The following ALG12 variants were observed in gnomAD, a reference collection of about 807,000 sequenced individuals.
ALG12 encodes dol-P-Man:Man(7)GlcNAc(2)-PP-Dol alpha-1,6-mannosyltransferase.
A neutral mutation model predicts 46.0 loss-of-function variants in ALG12; 36 were observed. The ratio of observed to expected loss-of-function variants is 0.78; its 90% CI spans 0.60 to 1.03. The LOEUF (loss-of-function observed/expected upper bound fraction) is 1.03. ALG12 is among the 50% of genes least tolerant of loss of function. ALG12 has a pLI of 0.00. For synonymous variants in ALG12, 326 were observed against 291.6 expected (o/e 1.12, Z -1.20); for missense variants, 599 against 633.5 (o/e 0.95, Z 0.58).
intron 1 of ALG12, among the ~76,000 whole-genome samples, chr22:49,918,003 CGGG>C (rs2060626890): frequency 2.0e-5 from 3 of 150,246 alleles, no homozygotes; most frequent in South Asian, 2.1e-4. Flanking sequence ...GGTGAGAGGT[CGGG>C]CCCCCGGATG....
At chr22:49,896,505 C>T (rs2060484095), downstream of ALG12, among the ~76,000 whole-genome samples, 1 of 152,248 alleles carries the variant, frequency 6.6e-6, no homozygotes, top group Non-Finnish European at 1.5e-5. Flanking sequence ...CCCTGCTCCT[C>T]TCTGGCGTGG....
At position 49,901,664 on chromosome 22, in the gene ALG12, GGTGT is replaced by G. The variant is rs1245406030; in HGVS notation, c.*2170_*2173del. On this transcript the variant is annotated 3_prime_UTR_variant, in exon 10 of 10. Coordinates refer to ENST00000330817, the MANE Select transcript of ALG12 (RefSeq NM_024105.4). ...TGTGCACGTGTGATCATGCATGTAT[GGTGT>G]GTATGCATGGTGTGCGCATCTGTGC... 1 of 149,272 alleles carries G rather than the reference GGTGT, an allele frequency of 6.7e-6. No individual in the cohort carries two copies. The highest frequency in any genetic ancestry group is 1.5e-5 in the Non-Finnish European group (1 of 67,746). 9.2% of individuals were successfully genotyped at this position (149,272 alleles called of 1,614,324 possible). A position where few individuals can be genotyped will look rare whatever the true frequency, so the allele number is the denominator to read the frequency against.
chr22:49,869,517 A>G, the ALG12 span, among the ~76,000 whole-genome samples: 2 of 152,184 alleles, frequency 1.3e-5, no homozygotes, highest in African/African-American at 2.4e-5. Flanking sequence ...TTTATTCCTC[A>G]GGGAATATTT....
chr22:49,893,991 C>A, the ALG12 span, among the ~76,000 whole-genome samples: 2 of 152,082 alleles, frequency 1.3e-5, no homozygotes, highest in Non-Finnish European at 2.9e-5. Context: ...TGATGAAACC[C>A]CGTCTTTACT....
rs978168220 is a variant in ALG12 at position 49,902,940 on chromosome 22, G to A, written c.*898C>T. On this transcript the variant is annotated 3_prime_UTR_variant, in exon 10 of 10. Coordinates refer to ENST00000330817, the MANE Select transcript of ALG12 (RefSeq NM_024105.4). ...GTGTGTGCACGTGTGCACGGTGTGTGGTGTGTATGCATGGTGTGTGCACGT... is the reference window on the plus strand; with the variant it reads ...GTGTGTGCACGTGTGCACGGTGTGTAGTGTGTATGCATGGTGTGTGCACGT... 4 of 274,970 alleles carry A rather than the reference G, an allele frequency of 1.5e-5. No individual in the cohort carries two copies. The highest frequency in any genetic ancestry group is 2.1e-5 in the Non-Finnish European group (3 of 142,396). The allele number at this position is 274,970 out of a possible 1,614,324, so 17.0% of individuals were successfully genotyped here.
At chr22:49,910,817 C>T (rs1001536222) in intron 3 of ALG12, among the ~76,000 whole-genome samples, 4 of 152,214 alleles carry the variant, frequency 2.6e-5, no homozygotes, top group African/African-American at 7.2e-5. Flanking sequence ...GCGCTCCTGT[C>T]GGGAACTGAG....
intron 1 of ALG12, among the ~76,000 whole-genome samples, chr22:49,915,280 C>T (rs1014378909): frequency 7.2e-5 from 11 of 152,094 alleles, no homozygotes; most frequent in Admixed American, 1.3e-4. Context: ...GGCTGAGGGC[C>T]AGGTGCGGTG....
At chr22:49,893,650 C>T in the ALG12 span, among the ~76,000 whole-genome samples, 1 of 152,130 alleles carries the variant, frequency 6.6e-6, no homozygotes, top group Non-Finnish European at 1.5e-5. Flanking sequence ...TAAAATATAT[C>T]CTGGAGGGAA....
At chr22:49,910,809 G>A (rs1212815483) in intron 3 of ALG12, among the ~76,000 whole-genome samples, 2 of 152,242 alleles carry the variant, frequency 1.3e-5, no homozygotes, top group African/African-American at 2.4e-5. Context: ...GGCCCCCTGC[G>A]CTCCTGTCGG....
chr22:49,899,115 T>C (rs9616780), downstream of ALG12, among the ~76,000 whole-genome samples: 54,427 of 151,928 alleles, frequency 0.36, 13,912 homozygotes, highest in African/African-American at 0.73. Context: ...CACAGTGAGA[T>C]CCCATTTCTA....
At chr22:49,877,146 T>G in the ALG12 span, among the ~76,000 whole-genome samples, 1 of 152,212 alleles carries the variant, frequency 6.6e-6, no homozygotes, top group African/African-American at 2.4e-5. Context: ...GAGAAAAAGA[T>G]TAAGCTATTT....
chr22:49,867,804 A>G, the ALG12 span, among the ~76,000 whole-genome samples: 1 of 152,162 alleles, frequency 6.6e-6, no homozygotes, highest in East Asian at 1.9e-4. Context: ...AAATATCTTC[A>G]GTGGAAAATG....
At chr22:49,868,356 G>T in the ALG12 span, among the ~76,000 whole-genome samples, 6 of 152,188 alleles carry the variant, frequency 3.9e-5, no homozygotes, top group African/African-American at 1.4e-4. Context: ...GAGGCTGGTG[G>T]ATCACCCAGG....
the ALG12 span, chr22:49,886,120 G>A: frequency 5.9e-6 from 4 of 682,568 alleles, no homozygotes; most frequent in Non-Finnish European, 1.1e-5. The surrounding 1 kb of genome is among the most constrained non-coding windows in gnomAD (Gnocchi z 7.7). Flanking sequence ...GCTGAACGAG[G>A]GGGAGCACTC....
chr22:49,864,944 C>CT, the ALG12 span, among the ~76,000 whole-genome samples: 1 of 85,940 alleles, frequency 1.2e-5, no homozygotes, highest in East Asian at 4.2e-4. Flanking sequence ...CAAGCCCCCC[C>CT]CCCCCCCCGT....
downstream of ALG12, among the ~76,000 whole-genome samples, chr22:49,897,836 T>G (rs553101072): frequency 6.7e-6 from 1 of 150,020 alleles, no homozygotes; most frequent in Non-Finnish European, 1.5e-5. Context: ...TTTTGTATTT[T>G]TTTTAGTAGA....
In ALG12 at chr22:49,902,587, GT is replaced by G; in HGVS notation, c.*1250del. ...AATGTGCACGTGTGCACTGTGTGTG[GT>G]GTGTATGCATGGTGTGTGCACGTGT... On this transcript the variant is annotated 3_prime_UTR_variant, in exon 10 of 10. Transcript: ENST00000330817. 7.2e-6 allele frequency: 1 copy of G among 138,608 alleles called. No homozygotes were observed. The highest frequency in any genetic ancestry group is 2.9e-5 in the African/African-American group (1 of 34,684). 8.6% of individuals were successfully genotyped at this position (138,608 alleles called of 1,614,324 possible). A position where few individuals can be genotyped will look rare whatever the true frequency, so the allele number is the denominator to read the frequency against.
chr22:49,916,817 G>A lies in ALG12; in HGVS notation c.-79+1446C>T, dbSNP rs552637238. On this transcript the variant is annotated intron_variant, in intron 1 of 9. Coordinates refer to ENST00000330817, the MANE Select transcript of ALG12 (RefSeq NM_024105.4). ...AATAAAAAATAAAACGGAACGGGGA[G>A]CATCTACGTGCCAAGATGTGGGAGG... 5.8e-4 allele frequency among the ~76,000 whole-genome samples: 89 copies of A among 152,344 alleles called. No homozygotes were observed. The South Asian group carries it at 8.1e-3, about 14-fold the overall frequency.
Position 49,901,579 on chromosome 22 carries a change from TATGC to T in ALG12, c.*2255_*2258del, listed in dbSNP as rs1173134124. On this transcript the variant is annotated 3_prime_UTR_variant, in exon 10 of 10. Transcript: ENST00000330817. ...GTGCACGATTGCATTGTGTGGTGTG[TATGC>T]ATGGTGTGTGCACCTGTGCATTGTG... The T allele has an allele frequency of 1.3e-5, 2 of 148,686 alleles. No homozygotes were observed. The highest frequency in any genetic ancestry group is 2.5e-5 in the African/African-American group (1 of 39,966). 9.2% of individuals were successfully genotyped at this position (148,686 alleles called of 1,614,324 possible).
Sources: allele counts gnomAD v4.1 joint callset (sites outside exome capture counted in the v4.1 genomes callset), GRCh38; gene constraint gnomAD v4.1.1; non-coding constraint Gnocchi (gnomAD v3.1); transcripts MANE v1.5; gene names NCBI Gene and HGNC (gene_info 2026-07-23, HGNC 2026-07-21).